ENTREP2: variants seen among roughly 807,000 people sequenced by gnomAD.
The protein encoded by ENTREP2 is endosomal transmembrane epsin interactor 2, also known as protein ENTREP2.
chr15:29,135,063 G>A, the ENTREP2 span, among the ~76,000 whole-genome samples: 1 of 151,996 alleles, frequency 6.6e-6, no homozygotes, highest in Non-Finnish European at 1.5e-5. The surrounding 1 kb of genome is among the most constrained non-coding windows in gnomAD (Gnocchi z 7.4). Context: ...TGGTCATGCT[G>A]TCATCTGCTC....
chr15:29,385,975 T>C, the ENTREP2 span, among the ~76,000 whole-genome samples: 296 of 151,734 alleles, frequency 2.0e-3, 7 homozygotes, highest in Admixed American at 0.017. Flanking sequence ...ACACAGAATT[T>C]GGTCGAGGGC....
the ENTREP2 span, among the ~76,000 whole-genome samples, chr15:29,571,301 G>T: frequency 3.3e-5 from 5 of 152,194 alleles, no homozygotes; most frequent in African/African-American, 2.4e-5. Flanking sequence ...TCGGCTGCGC[G>T]GAGGGGCCCG....
the ENTREP2 span, among the ~76,000 whole-genome samples, chr15:29,455,064 G>A: frequency 1.3e-5 from 2 of 152,116 alleles, no homozygotes; most frequent in African/African-American, 2.4e-5. Context: ...ATGGAGCTGT[G>A]GCAAACGTGA....
the ENTREP2 span, among the ~76,000 whole-genome samples, chr15:29,561,750 T>C: frequency 4.7e-4 from 72 of 151,858 alleles, no homozygotes; most frequent in African/African-American, 1.7e-3. Flanking sequence ...AACGGAAATA[T>C]AAAATTATGA....
At chr15:29,161,242 G>A in the ENTREP2 span, among the ~76,000 whole-genome samples, 1 of 152,134 alleles carries the variant, frequency 6.6e-6, no homozygotes, top group Non-Finnish European at 1.5e-5. Context: ...AGGAGGTAAC[G>A]TCTCCCCTAG....
At chr15:29,452,185 G>A in the ENTREP2 span, among the ~76,000 whole-genome samples, 1 of 152,272 alleles carries the variant, frequency 6.6e-6, no homozygotes, top group African/African-American at 2.4e-5. Context: ...ATGATGAGTG[G>A]CCTCTAGTGT....
At chr15:29,353,203 T>C in the ENTREP2 span, among the ~76,000 whole-genome samples, 2 of 152,150 alleles carry the variant, frequency 1.3e-5, no homozygotes, top group Non-Finnish European at 2.9e-5. Flanking sequence ...AATGGCAATA[T>C]GTTCTCTCCT....
the ENTREP2 span, among the ~76,000 whole-genome samples, chr15:29,371,357 C>CACACACACACAG: frequency 6.7e-6 from 1 of 149,462 alleles, no homozygotes; most frequent in African/African-American, 2.5e-5. Context: ...CAAACACACA[C>CACACACACACAG]ACACACACAC....
chr15:29,173,300 C>T, the ENTREP2 span, among the ~76,000 whole-genome samples: 1 of 152,220 alleles, frequency 6.6e-6, no homozygotes, highest in Admixed American at 6.5e-5. Flanking sequence ...TGCCTAGCCC[C>T]TCTGCTTCTA....
chr15:29,215,821 G>A, the ENTREP2 span, among the ~76,000 whole-genome samples: 1 of 152,078 alleles, frequency 6.6e-6, no homozygotes. Context: ...GGCAGCAGAT[G>A]GTTGTTGAGT....
chr15:29,426,408 A>T, the ENTREP2 span, among the ~76,000 whole-genome samples: 1,501 of 152,080 alleles, frequency 9.9e-3, 25 homozygotes, highest in African/African-American at 0.034. Context: ...CTTATCTTTG[A>T]TTTTTTTTGA....
chr15:29,389,001 T>A, the ENTREP2 span, among the ~76,000 whole-genome samples: 1 of 149,402 alleles, frequency 6.7e-6, no homozygotes, highest in Non-Finnish European at 1.5e-5. Context: ...CATTAGGAGA[T>A]ATACCTAATG....
At chr15:29,135,394 T>G in the ENTREP2 span, among the ~76,000 whole-genome samples, 8 of 152,142 alleles carry the variant, frequency 5.3e-5, no homozygotes, top group Non-Finnish European at 1.0e-4. The surrounding 1 kb of genome is among the most constrained non-coding windows in gnomAD (Gnocchi z 7.4). Context: ...TTTGGTCTAT[T>G]TACATAACCC....
At chr15:29,412,180 T>C in the ENTREP2 span, among the ~76,000 whole-genome samples, 32 of 152,338 alleles carry the variant, frequency 2.1e-4, no homozygotes, top group South Asian at 2.5e-3. Context: ...CTTCACAGTA[T>C]TGAGTTAGCT....
At chr15:29,571,279 CG>C in the ENTREP2 span, among the ~76,000 whole-genome samples, 3 of 152,276 alleles carry the variant, frequency 2.0e-5, no homozygotes, top group African/African-American at 4.8e-5. Flanking sequence ...GCCTCCGCGG[CG>C]GAGCCCTGGG....
the ENTREP2 span, among the ~76,000 whole-genome samples, chr15:29,439,289 ACAC>A: frequency 0.023 from 2,293 of 98,670 alleles, 77 homozygotes; most frequent in African/African-American, 0.06. Context: ...GGAATTACAC[ACAC>A]ACACACACAC....
At chr15:29,453,422 T>C in the ENTREP2 span, among the ~76,000 whole-genome samples, 1 of 152,190 alleles carries the variant, frequency 6.6e-6, no homozygotes, top group Non-Finnish European at 1.5e-5. Flanking sequence ...GGCCCTGATA[T>C]TAAAATACAA....
chr15:29,264,221 G>GA, the ENTREP2 span, among the ~76,000 whole-genome samples: 2 of 150,816 alleles, frequency 1.3e-5, no homozygotes, highest in African/African-American at 2.4e-5. Context: ...AATGATGTTG[G>GA]GGCATGTTAA....
At chr15:29,385,628 C>T in the ENTREP2 span, among the ~76,000 whole-genome samples, 2 of 152,044 alleles carry the variant, frequency 1.3e-5, no homozygotes, top group Non-Finnish European at 2.9e-5. Context: ...ATAACATGGC[C>T]CCAGCAACAC....
Sources: allele counts gnomAD v4.1 joint callset (sites outside exome capture counted in the v4.1 genomes callset), GRCh38; gene constraint gnomAD v4.1.1; non-coding constraint Gnocchi (gnomAD v3.1); transcripts MANE v1.5; gene names NCBI Gene and HGNC (gene_info 2026-07-23, HGNC 2026-07-21).